The following DDX46 variants were observed in gnomAD, a reference collection of about 807,000 sequenced individuals.
DDX46 encodes the protein probable ATP-dependent RNA helicase DDX46.
Under a neutral mutation model 134.9 loss-of-function variants are expected in DDX46, and 30 were observed. That is an observed-to-expected ratio of 0.22 (90% confidence interval 0.17 to 0.30). The LOEUF (loss-of-function observed/expected upper bound fraction) is 0.30, where lower values mean the gene tolerates loss of function less well. Among genes scored for constraint, DDX46 ranks in the 10% least tolerant of loss-of-function variants. The pLI is 1.00. For missense variants in DDX46, 622 were observed against 1,248.7 expected (o/e 0.50, Z 7.56); for synonymous variants, 415 against 404.1 (o/e 1.03, Z -0.32).
At chr5:134,796,260 TA>T (rs1217921123) in intron 15 of DDX46, 110 bp downstream of exon 15, 1 of 1,206,048 alleles carries the variant, frequency 8.3e-7, no homozygotes, top group African/African-American at 1.5e-5. Flanking sequence ...AACTAAATTT[TA>T]TGTCAGTTTT....
At chr5:134,766,446 C>T (rs1418005636) in intron 2 of DDX46, among the ~76,000 whole-genome samples, 1 of 151,876 alleles carries the variant, frequency 6.6e-6, no homozygotes, top group East Asian at 1.9e-4. Flanking sequence ...CCCAGCTACT[C>T]AGGAGGCTGA....
chr5:134,799,317 T>A (rs1580804009), intron 15 of DDX46, among the ~76,000 whole-genome samples: 1 of 143,780 alleles, frequency 7.0e-6, no homozygotes, highest in African/African-American at 2.5e-5. Context: ...CTTGTTTCAC[T>A]TTTTTTTTTT....
intron 5 of DDX46, among the ~76,000 whole-genome samples, chr5:134,776,739 A>T (rs1434734149): frequency 1.3e-5 from 2 of 151,572 alleles, no homozygotes; most frequent in Non-Finnish European, 2.9e-5. Context: ...ACATGGTGAA[A>T]CCCCGTCTCT....
intron 13 of DDX46, among the ~76,000 whole-genome samples, chr5:134,791,014 C>G (rs1191187070): frequency 6.6e-6 from 1 of 152,052 alleles, no homozygotes; most frequent in Non-Finnish European, 1.5e-5. Context: ...GATGGAGTTT[C>G]ACCACGTTGG....
At chr5:134,808,680 T>G (rs1164946520) in intron 16 of DDX46, among the ~76,000 whole-genome samples, 1 of 152,204 alleles carries the variant, frequency 6.6e-6, no homozygotes, top group Non-Finnish European at 1.5e-5. Context: ...TTTACCTCCC[T>G]ATCATTCATA....
At chr5:134,818,476 T>C (rs902710408) in intron 20 of DDX46, among the ~76,000 whole-genome samples, 7 of 149,018 alleles carry the variant, frequency 4.7e-5, no homozygotes, top group Non-Finnish European at 7.4e-5. Context: ...CTAAGGTGGG[T>C]GAATCACCTG....
Position 134,763,994 on chromosome 5 carries a change from T to C in DDX46, c.108T>C (p.Asp36=). 1 of 1,614,162 alleles carries C rather than the reference T, an allele frequency of 6.2e-7. No individual in the cohort carries two copies. Among genetic ancestry groups the C allele is most frequent in the African/African-American group, 1.3e-5 (1 of 75,038 alleles). ...CAGACAAAAGAAGTAAACGTGGAGA[T>C]GACAGACGGTCTAGAAGTAGAGATA... is the stretch of plus-strand genomic sequence containing the variant. ...SPSDKRSKRG[D]DRRSRSRDRD... The change falls in exon 2 of 23, where the codon GAT becomes GAC. Residue 36 remains aspartate (D), a synonymous_variant. Coordinates refer to ENST00000452510, the MANE Select transcript of DDX46 (RefSeq NM_001300860.2).
At chr5:134,812,825 A>G (rs888109363) in intron 18 of DDX46, among the ~76,000 whole-genome samples, 1 of 151,986 alleles carries the variant, frequency 6.6e-6, no homozygotes, top group Admixed American at 6.6e-5. Flanking sequence ...TTTAGTAGAG[A>G]TGGGGTTTCA....
chr5:134,817,355 C>T, intron 19 of DDX46, 141 bp from the exon 20 acceptor site: 1 of 748,854 alleles, frequency 1.3e-6, no homozygotes, highest in South Asian at 2.0e-5. Context: ...TCACACATAT[C>T]AATGAGACTA....
At chr5:134,823,863 G>A (rs1755521966) in intron 21 of DDX46, among the ~76,000 whole-genome samples, 1 of 152,202 alleles carries the variant, frequency 6.6e-6, no homozygotes, top group African/African-American at 2.4e-5. Context: ...AAAACCTTTG[G>A]TGTACATGGA....
chr5:134,787,632 C>T (rs1401663049), intron 11 of DDX46, among the ~76,000 whole-genome samples: 4 of 152,126 alleles, frequency 2.6e-5, no homozygotes, highest in South Asian at 2.1e-4. Flanking sequence ...CATGCCTGCA[C>T]GTTGTATTTA....
chr5:134,808,126 C>G (rs1755041456), intron 16 of DDX46, among the ~76,000 whole-genome samples, 185 bp downstream of exon 16: 1 of 152,160 alleles, frequency 6.6e-6, no homozygotes, highest in Admixed American at 6.5e-5. Context: ...TTCAAATTAT[C>G]AGATACCTAG....
rs775759424 is a variant in DDX46, at chr5:134,807,781, A to G, written c.1988A>G (p.Asn663Ser). Residue 663 changes from asparagine (N) to serine (S), a missense_variant, in exon 16 of 23, where the codon AAT becomes AGT. Coordinates refer to ENST00000452510, the MANE Select transcript of DDX46 (RefSeq NM_001300860.2). ...IDQYDRDSII[N>S]DFKNGTCKLL... ...CAATATGACAGAGATAGCATCATAA[A>G]TGACTTTAAGAATGGGACCTGCAAA... 4.3e-6 allele frequency: 7 copies of G among 1,614,036 alleles called. No individual in the cohort carries two copies. The highest frequency in any genetic ancestry group is 1.3e-5 in the African/African-American group (1 of 74,920).
intron 15 of DDX46, among the ~76,000 whole-genome samples, chr5:134,803,333 A>C (rs537755186): frequency 1.4e-4 from 22 of 151,734 alleles, no homozygotes; most frequent in African/African-American, 5.3e-4. Context: ...CCAACTGCTT[A>C]GATTTTTGCC....
intron 6 of DDX46, among the ~76,000 whole-genome samples, chr5:134,778,565 T>TTTTA (rs752939240): frequency 6.6e-6 from 1 of 152,020 alleles, no homozygotes; most frequent in African/African-American, 2.4e-5. Flanking sequence ...TTTTGTTTCA[T>TTTTA]TTTATTTATT....
Position 134,785,544 on chromosome 5 carries a change from T to A in DDX46, c.1422T>A (p.Leu474=), listed in dbSNP as rs1561860667. The change falls in exon 11 of 23, where the codon CTT becomes CTA. Residue 474 remains leucine (L), a synonymous_variant. Transcript: ENST00000452510. ...AGAAGTTTTCCAAGACTTTGGGACT[T>A]AGAGTGGTCTGTGTTTACGGAGGAA... The part of the protein sequence containing the change: ...ECKKFSKTLG[L]RVVCVYGGTG... 1 of 1,613,864 alleles carries A rather than the reference T, an allele frequency of 6.2e-7. No individual in the cohort carries two copies. Among genetic ancestry groups the A allele is most frequent in the Non-Finnish European group, 8.5e-7 (1 of 1,179,896 alleles).
At chr5:134,794,621 A>G (rs1488668086) in intron 13 of DDX46, among the ~76,000 whole-genome samples, 2 of 152,168 alleles carry the variant, frequency 1.3e-5, no homozygotes, top group African/African-American at 2.4e-5. Flanking sequence ...AGACCACTAT[A>G]TTTGTTGATG....
chr5:134,795,927 C>G, intron 14 of DDX46, 61 bp from the exon 15 acceptor site: 5 of 1,450,896 alleles, frequency 3.4e-6, no homozygotes, highest in Non-Finnish European at 4.8e-6. Flanking sequence ...ATGAATATTT[C>G]TGTCCAGGGG....
In DDX46 at chr5:134,795,030, A is replaced by G. The variant is rs776702258; in HGVS notation, c.1791+16A>G. ...GCAACAAGTGGTGGGTACCATCTTT[A>G]GGAAATTCCCAGTTTCCTTGATACT... is the stretch of plus-strand genomic sequence containing the variant. On this transcript the variant is annotated intron_variant, in intron 14 of 22. Coordinates refer to ENST00000452510, the MANE Select transcript of DDX46 (RefSeq NM_001300860.2). 2.0e-5 allele frequency: 32 copies of G among 1,611,516 alleles called. No individual in the cohort carries two copies. Among genetic ancestry groups the G allele is most frequent in the Non-Finnish European group, 2.7e-5 (32 of 1,178,788 alleles).
Sources: gnomAD v4.1 joint callset for allele counts (sites outside exome capture counted in the v4.1 genomes callset) on GRCh38, gnomAD v4.1.1 for gene constraint, MANE v1.5 for transcripts, NCBI Gene and HGNC (gene_info 2026-07-23, HGNC 2026-07-21) for gene names.